The following FERMT2 variants were observed in gnomAD, a reference collection of about 807,000 sequenced individuals.
FERMT2 encodes FERM domain containing kindlin 2, also known as fermitin family homolog 2.
In FERMT2, 15 loss-of-function variants were observed where a neutral mutation model predicts 82.7. The observed-to-expected ratio is 0.18, with a 90% confidence interval of 0.12 to 0.28. The LOEUF is 0.28. FERMT2 is among the 10% of genes least tolerant of loss of function. FERMT2 has a pLI of 1.00. For missense variants in FERMT2, 645 were observed against 809.4 expected (o/e 0.80, Z 2.46); for synonymous variants, 274 against 271.5 (o/e 1.01, Z -0.09).
chr14:52,878,013 T>C (rs769722740), intron 7 of FERMT2, among the ~76,000 whole-genome samples: 4 of 152,316 alleles, frequency 2.6e-5, no homozygotes, highest in Non-Finnish European at 4.4e-5. Flanking sequence ...CCTATAATTC[T>C]GAAGGAGGTG....
chr14:52,929,349 A>C (rs1362279056), intron 2 of FERMT2, among the ~76,000 whole-genome samples: 1 of 152,128 alleles, frequency 6.6e-6, no homozygotes, highest in African/African-American at 2.4e-5. Context: ...ACAGCCTCCT[A>C]ACTGGTCTCC....
At chr14:52,948,585 A>G in intron 2 of FERMT2, 1 of 455,772 alleles carries the variant, frequency 2.2e-6, no homozygotes, top group South Asian at 1.6e-5. Flanking sequence ...TTTTCTCTGC[A>G]TAAAAAATTA....
intron 3 of FERMT2, 86 bp downstream of exon 3, chr14:52,919,037 C>G: frequency 1.1e-6 from 1 of 889,550 alleles, no homozygotes; most frequent in Non-Finnish European, 1.8e-6. Flanking sequence ...AGCCCATGCC[C>G]CATCCCTTGG....
intron 3 of FERMT2, among the ~76,000 whole-genome samples, chr14:52,907,833 A>T (rs1276089622): frequency 6.6e-6 from 1 of 152,192 alleles, no homozygotes; most frequent in Non-Finnish European, 1.5e-5. Flanking sequence ...GAAACAGAAA[A>T]GAAATGGGAC....
At chr14:52,940,172 T>C (rs1021716078) in intron 2 of FERMT2, among the ~76,000 whole-genome samples, 1 of 152,202 alleles carries the variant, frequency 6.6e-6, no homozygotes, top group Non-Finnish European at 1.5e-5. Context: ...AACCTTGATA[T>C]GTGTAGAAAG....
chr14:52,896,229 T>C (rs1887245755), intron 3 of FERMT2, among the ~76,000 whole-genome samples: 1 of 152,208 alleles, frequency 6.6e-6, no homozygotes, highest in East Asian at 1.9e-4. Context: ...TCACAATGTC[T>C]GGCAGCACTA....
At chr14:52,899,818 T>C (rs1451885657) in intron 3 of FERMT2, among the ~76,000 whole-genome samples, 1 of 152,238 alleles carries the variant, frequency 6.6e-6, no homozygotes, top group East Asian at 1.9e-4. Context: ...TGATTTACTG[T>C]ATGCCTTGTA....
chr14:52,903,714 A>G lies in FERMT2; in HGVS notation c.392-10287T>C, dbSNP rs146191483. Among the ~76,000 whole-genome samples the G allele has an allele frequency of 3.9e-3, 599 of 152,344 alleles. 1 individual carries two copies. The highest frequency in any genetic ancestry group is 6.9e-3 in the Admixed American group (106 of 15,306). ...GAATAAAGAGAAATATAGTATCTCA[A>G]AAATTTACATCCTATTCACCTTTTT... On this transcript the variant is annotated intron_variant, in intron 3 of 14. Transcript: ENST00000341590.
chr14:52,924,111 T>C (rs1467287867), intron 2 of FERMT2, among the ~76,000 whole-genome samples: 2 of 152,190 alleles, frequency 1.3e-5, no homozygotes, highest in African/African-American at 4.8e-5. Context: ...GAACATGTAC[T>C]GTGTGCAAGA....
chr14:52,920,709 T>C (rs1888910651), intron 2 of FERMT2, among the ~76,000 whole-genome samples: 1 of 152,078 alleles, frequency 6.6e-6, no homozygotes, highest in Non-Finnish European at 1.5e-5. Flanking sequence ...TCCCAAAACT[T>C]TGGGAGGCTG....
intron 10 of FERMT2, among the ~76,000 whole-genome samples, chr14:52,869,691 T>C (rs1885500553): frequency 6.6e-6 from 1 of 152,254 alleles, no homozygotes; most frequent in South Asian, 2.1e-4. Flanking sequence ...TTTACTATAC[T>C]ATTCTTTTCA....
intron 2 of FERMT2, among the ~76,000 whole-genome samples, chr14:52,944,400 G>C (rs982783279): frequency 3.3e-5 from 5 of 152,210 alleles, no homozygotes; most frequent in African/African-American, 1.2e-4. Flanking sequence ...AAAAACTAAG[G>C]ATTTCAACTG....
In FERMT2 at chr14:52,881,224, A is replaced by C; in HGVS notation, c.752+20T>G. On this transcript the variant is annotated intron_variant, in intron 5 of 14. Transcript: ENST00000341590. ...TAGCTGGATGAAGAAATTCAATTTT[A>C]TCTATATCTTAAAACTTACCCTTGG... is the stretch of plus-strand genomic sequence containing the variant. 1 of 1,605,030 alleles carries C rather than the reference A, an allele frequency of 6.2e-7. No individual in the cohort carries two copies. The highest frequency in any genetic ancestry group is 8.5e-7 in the Non-Finnish European group (1 of 1,172,052).
At chr14:52,893,061 G>A (rs373983934) in intron 4 of FERMT2, among the ~76,000 whole-genome samples, 7 of 152,198 alleles carry the variant, frequency 4.6e-5, no homozygotes, top group South Asian at 4.2e-4. Context: ...GCAGTGGCAC[G>A]ATCTTGGCTC....
chr14:52,918,957 A>C (rs1475488261), intron 3 of FERMT2, among the ~76,000 whole-genome samples, 166 bp downstream of exon 3: 1 of 152,234 alleles, frequency 6.6e-6, no homozygotes, highest in Non-Finnish European at 1.5e-5. Flanking sequence ...ACCTTAACCC[A>C]GCATTTATCT....
intron 12 of FERMT2, chr14:52,861,238 C>CT: frequency 1.8e-6 from 1 of 554,336 alleles, no homozygotes; most frequent in Non-Finnish European, 3.2e-6. Flanking sequence ...GCAGCAATTA[C>CT]TTTCCATTTA....
chr14:52,901,105 C>CAA (rs71125146), intron 3 of FERMT2, among the ~76,000 whole-genome samples: 25 of 68,614 alleles, frequency 3.6e-4, no homozygotes, highest in Non-Finnish European at 5.7e-4. Context: ...ACTAAAAATA[C>CAA]AAAAAAAAAA....
intron 3 of FERMT2, among the ~76,000 whole-genome samples, chr14:52,896,874 G>C (rs1293149498): frequency 4.6e-5 from 7 of 151,720 alleles, no homozygotes; most frequent in Non-Finnish European, 1.0e-4. Flanking sequence ...TGCACACCTA[G>C]AGTCCCAGCT....
chr14:52,925,664 A>C (rs1403666492), intron 2 of FERMT2, among the ~76,000 whole-genome samples: 3 of 150,742 alleles, frequency 2.0e-5, no homozygotes, highest in Non-Finnish European at 2.9e-5. Flanking sequence ...TTTGAGATGG[A>C]GTCTTGCTCT....
Sources: allele counts gnomAD v4.1 joint callset (sites outside exome capture counted in the v4.1 genomes callset), GRCh38; gene constraint gnomAD v4.1.1; transcripts MANE v1.5; gene names NCBI Gene and HGNC (gene_info 2026-07-23, HGNC 2026-07-21).